CD6: variants seen among roughly 807,000 people sequenced by gnomAD.
CD6 encodes the protein CD6 molecule, also known as T-cell differentiation antigen CD6.
Under a neutral mutation model 75.3 loss-of-function variants are expected in CD6, and 53 were observed. That is an observed-to-expected ratio of 0.70 (90% CI 0.56 to 0.88). The LOEUF (loss-of-function observed/expected upper bound fraction) is 0.88, where lower values mean the gene tolerates loss of function less well. Among genes scored for constraint, CD6 ranks in the 40% least tolerant of loss-of-function variants. CD6 has a pLI of 0.00. For missense variants in CD6, 770 were observed against 897.1 expected, an observed-to-expected ratio of 0.86 and a Z score of 1.81; for synonymous variants, 359 against 381.5, an observed-to-expected ratio of 0.94 and a Z score of 0.69.
chr11:61,010,140 T>C (rs1255878811), intron 5 of CD6, among the ~76,000 whole-genome samples: 2 of 152,218 alleles, frequency 1.3e-5, no homozygotes, highest in Non-Finnish European at 1.5e-5. Context: ...TGGGATTGAC[T>C]CAAGAGTTGA....
At chr11:60,971,942 A>C in intron 1 of CD6, 28 bp downstream of exon 1, 2 of 1,609,156 alleles carry the variant, frequency 1.2e-6, no homozygotes, top group Non-Finnish European at 1.7e-6. Context: ...ATCTCCTGCC[A>C]CTGGTGCTGG....
chr11:61,006,773 C>T (rs1858879771), intron 2 of CD6, 131 bp downstream of exon 2: 1 of 714,270 alleles, frequency 1.4e-6, no homozygotes, highest in African/African-American at 1.8e-5. Flanking sequence ...TTCTTCCTGA[C>T]CCATCACCTG....
intron 9 of CD6, among the ~76,000 whole-genome samples, chr11:61,016,189 G>T (rs976291072): frequency 6.6e-6 from 1 of 152,146 alleles, no homozygotes; most frequent in Non-Finnish European, 1.5e-5. Flanking sequence ...AGGGGTTCTC[G>T]CATGCCATAT....
chr11:61,013,654 C>A, intron 7 of CD6, 91 bp downstream of exon 7: 1 of 1,416,394 alleles, frequency 7.1e-7, no homozygotes, highest in South Asian at 1.2e-5. Context: ...CAGCAATGAC[C>A]ACCCGGCCCT....
At position 61,009,835 on chromosome 11, in the gene CD6, C is replaced by CGAGA; in HGVS notation, c.1045_1046insGAGA (p.Leu349ArgfsTer80). On this transcript the variant is annotated frameshift_variant, in exon 5 of 13. Coordinates refer to ENST00000313421, the MANE Select transcript of CD6 (RefSeq NM_006725.5). LOFTEE classifies it high-confidence loss of function. ...CTCCTGGCGGTTCAACAACTCCAACCTCTGCAGCCAGTCGCTGGCAGCCAG... is the reference window on the plus strand; with the variant it reads ...CTCCTGGCGGTTCAACAACTCCAACCGAGATCTGCAGCCAGTCGCTGGCAGCCAG... 1 of 1,577,502 alleles carries CGAGA rather than the reference C, an allele frequency of 6.3e-7. No individual in the cohort carries two copies. The highest frequency in any genetic ancestry group is 1.2e-5 in the South Asian group (1 of 85,520).
intron 1 of CD6, chr11:60,982,791 T>C (rs1321299154): frequency 1.8e-5 from 8 of 454,560 alleles, no homozygotes; most frequent in Non-Finnish European, 3.1e-5. Context: ...GGGAACGACA[T>C]GCCCCAGGGT....
intron 3 of CD6, 114 bp downstream of exon 3, chr11:61,008,024 A>C (rs2135164387): frequency 1.6e-6 from 1 of 614,452 alleles, no homozygotes; most frequent in Non-Finnish European, 2.4e-6. Flanking sequence ...CTCCACCCCC[A>C]CCGCCTACCA....
chr11:61,019,377 A>G lies in CD6; in HGVS notation c.*59A>G. ...GACCCTCTGGCCTCCTGCTCTACCT[A>G]CTCCCTTTCCCCTTTCCCACCCTCC... On this transcript the variant is annotated 3_prime_UTR_variant, in exon 13 of 13. Transcript: ENST00000313421. 7.4e-7 allele frequency: 1 copy of G among 1,354,582 alleles called. No individual in the cohort carries two copies. The highest frequency in any genetic ancestry group is 1.0e-6 in the Non-Finnish European group (1 of 973,226). The allele number at this position is 1,354,582 out of a possible 1,614,324, so 83.9% of individuals were successfully genotyped here. A position where few individuals can be genotyped will look rare whatever the true frequency, so the allele number is the denominator to read the frequency against.
chr11:60,977,829 C>T (rs950223401), intron 1 of CD6, among the ~76,000 whole-genome samples: 1 of 152,116 alleles, frequency 6.6e-6, no homozygotes, highest in African/African-American at 2.4e-5. Flanking sequence ...AATGCAAATA[C>T]ATTTATTTTG....
chr11:60,974,335 A>G (rs553982196), intron 1 of CD6, among the ~76,000 whole-genome samples: 6 of 152,030 alleles, frequency 3.9e-5, no homozygotes, highest in Non-Finnish European at 8.8e-5. Context: ...TCCCCCTTTT[A>G]TTTTTTAAGA....
At chr11:61,018,141 T>A in intron 11 of CD6, 128 bp downstream of exon 11, 1 of 1,323,880 alleles carries the variant, frequency 7.6e-7, no homozygotes. Flanking sequence ...CTGTGTGCCC[T>A]TGGACACATC....
intron 1 of CD6, among the ~76,000 whole-genome samples, chr11:60,988,255 G>A (rs1857907486): frequency 6.6e-6 from 1 of 152,190 alleles, no homozygotes; most frequent in African/African-American, 2.4e-5. Context: ...TAAAGCTGGG[G>A]CACACAGTGG....
chr11:60,978,505 G>A (rs944419597), intron 1 of CD6, among the ~76,000 whole-genome samples: 1 of 152,186 alleles, frequency 6.6e-6, no homozygotes, highest in African/African-American at 2.4e-5. Context: ...TAACTTGCTG[G>A]GGAATCTTGG....
intron 4 of CD6, 42 bp downstream of exon 4, chr11:61,008,887 T>A (rs1265577815): frequency 2.7e-6 from 4 of 1,463,736 alleles, no homozygotes; most frequent in South Asian, 2.9e-5. Context: ...CTACCAACAC[T>A]CACCATAGGC....
At chr11:60,976,247 C>T (rs1294844174) in intron 1 of CD6, among the ~76,000 whole-genome samples, 5 of 152,132 alleles carry the variant, frequency 3.3e-5, no homozygotes, top group Non-Finnish European at 7.3e-5. Context: ...TGTTTGGCTC[C>T]TACTTATAAG....
chr11:60,980,530 AG>A (rs968522124), intron 1 of CD6, among the ~76,000 whole-genome samples: 13 of 152,100 alleles, frequency 8.5e-5, no homozygotes, highest in African/African-American at 2.7e-4. Context: ...TATTTCAGAA[AG>A]AAGGACCCAT....
At chr11:61,005,123 C>T (rs980112032) in intron 1 of CD6, among the ~76,000 whole-genome samples, 2 of 152,156 alleles carry the variant, frequency 1.3e-5, no homozygotes, top group African/African-American at 2.4e-5. Context: ...GGCCTCAGGC[C>T]CACGCATCAG....
Position 61,015,826 on chromosome 11 carries a change from A to G in CD6, c.1501A>G (p.Thr501Ala). The G allele has an allele frequency of 6.2e-7, 1 of 1,613,990 alleles. No individual in the cohort carries two copies. The highest frequency in any genetic ancestry group is 8.5e-7 in the Non-Finnish European group (1 of 1,179,982). ...CGCCCAGCCTCCTGTGGCCCTGACC[A>G]CCTTCTACAGTGAGTGCCTGGCCGG... ...FSAQPPVALT[T>A]FYNSQRHRVT... Residue 501 changes from threonine to alanine, a missense_variant, in exon 9 of 13, where the codon ACC (threonine) becomes GCC (alanine). By Grantham distance (58) the Thr-to-Ala change is moderately conservative. Transcript: ENST00000313421.
At chr11:60,984,701 T>C (rs1857730891) in intron 1 of CD6, among the ~76,000 whole-genome samples, 2 of 152,224 alleles carry the variant, frequency 1.3e-5, no homozygotes, top group African/African-American at 4.8e-5. Context: ...GTAAGGGGAC[T>C]GAGAGCGGTT....
Sources: gnomAD v4.1 joint callset for allele counts (sites outside exome capture counted in the v4.1 genomes callset) on GRCh38, gnomAD v4.1.1 for gene constraint, MANE v1.5 for transcripts, NCBI Gene and HGNC (gene_info 2026-07-23, HGNC 2026-07-21) for gene names.